Variants in NKAIN3 observed in about 807,000 individuals in gnomAD.
NKAIN3 encodes sodium/potassium transporting ATPase interacting 3, also known as sodium/potassium-transporting ATPase subunit beta-1-interacting protein 3.
Under a neutral mutation model 30.2 loss-of-function variants are expected in NKAIN3, and 25 were observed. The ratio of observed to expected loss-of-function variants is 0.83; its 90% CI spans 0.60 to 1.16. The LOEUF is 1.16. NKAIN3 is among the 50% of genes most tolerant of loss of function. NKAIN3 has a pLI of 0.00. For missense variants in NKAIN3, 225 were observed against 254.1 expected (o/e 0.89, Z 0.78); for synonymous variants, 91 against 89.6 (o/e 1.02, Z -0.09).
chr8:62,477,018 G>A lies in NKAIN3; in HGVS notation c.55-102521G>A, dbSNP rs139585658. Among the ~76,000 whole-genome samples the A allele has an allele frequency of 2.2e-4, 33 of 152,118 alleles. No homozygotes were observed. The East Asian group carries it at 6.2e-3, about 29-fold the overall frequency. Reference sequence around the variant, plus strand: ...AAATGTATAGTCAGCTTTGATTGAGGGAAACATAGGAAGATACAGGAGCAA... The same window carrying A: ...AAATGTATAGTCAGCTTTGATTGAGAGAAACATAGGAAGATACAGGAGCAA... On this transcript the variant is annotated intron_variant, in intron 1 of 6. Coordinates refer to ENST00000623646, the MANE Select transcript of NKAIN3 (RefSeq NM_001304533.3).
intron 6 of NKAIN3, among the ~76,000 whole-genome samples, chr8:62,955,946 G>A (rs925430194): frequency 6.6e-6 from 1 of 152,218 alleles, no homozygotes; most frequent in African/African-American, 2.4e-5. Flanking sequence ...AATAGAACAA[G>A]CTTCTGCTTT....
At chr8:62,792,475 T>A (rs1817728547) in intron 4 of NKAIN3, among the ~76,000 whole-genome samples, 1 of 7,740 alleles carries the variant, frequency 1.3e-4, no homozygotes, top group South Asian at 3.4e-3. Context: ...ACACTCTTCA[T>A]TTTCTTGGCT....
chr8:62,852,325 T>A (rs1383986780), intron 4 of NKAIN3, among the ~76,000 whole-genome samples: 1 of 152,156 alleles, frequency 6.6e-6, no homozygotes, highest in Non-Finnish European at 1.5e-5. Context: ...TTTTATTGCA[T>A]CTATTTGATT....
At chr8:62,493,164 GT>G (rs1807125461) in intron 1 of NKAIN3, among the ~76,000 whole-genome samples, 1 of 152,006 alleles carries the variant, frequency 6.6e-6, no homozygotes, top group Non-Finnish European at 1.5e-5. Flanking sequence ...ATCTTCCAGG[GT>G]TTTTATAGTT....
At chr8:62,805,775 T>A (rs1429921914) in intron 4 of NKAIN3, among the ~76,000 whole-genome samples, 1 of 152,110 alleles carries the variant, frequency 6.6e-6, no homozygotes, top group Non-Finnish European at 1.5e-5. Flanking sequence ...CCAAAAGCAA[T>A]GGCAACAAAA....
At chr8:62,457,549 C>T (rs1314860912) in intron 1 of NKAIN3, among the ~76,000 whole-genome samples, 1 of 152,184 alleles carries the variant, frequency 6.6e-6, no homozygotes, top group Admixed American at 6.5e-5. Context: ...ATGATTTCCA[C>T]TTGCTGCTTG....
intron 5 of NKAIN3, among the ~76,000 whole-genome samples, chr8:62,996,255 C>T (rs185962227): frequency 9.9e-4 from 150 of 152,264 alleles, no homozygotes; most frequent in African/African-American, 3.3e-3. Context: ...AATGAAGGCA[C>T]GGCTTACATG....
intron 4 of NKAIN3, among the ~76,000 whole-genome samples, chr8:62,818,725 T>C (rs571000796): frequency 1.8e-4 from 27 of 152,144 alleles, no homozygotes; most frequent in Admixed American, 1.8e-3. Context: ...ATCTGATAAT[T>C]ATATGAAGTA....
intron 1 of NKAIN3, among the ~76,000 whole-genome samples, chr8:62,405,532 G>A (rs775756284): frequency 3.9e-5 from 6 of 152,234 alleles, no homozygotes; most frequent in Non-Finnish European, 5.9e-5. Context: ...ACTTTCCACT[G>A]TGACAGAGAA....
intron 4 of NKAIN3, among the ~76,000 whole-genome samples, chr8:62,848,650 C>T (rs1819765432): frequency 6.6e-6 from 1 of 152,204 alleles, no homozygotes; most frequent in East Asian, 1.9e-4. Flanking sequence ...CTATTTGAAT[C>T]CTCTTTATTT....
intron 4 of NKAIN3, among the ~76,000 whole-genome samples, chr8:62,790,696 T>A (rs1817679986): frequency 6.9e-6 from 1 of 145,452 alleles, no homozygotes; most frequent in African/African-American, 2.6e-5. Flanking sequence ...GCACTGGGGA[T>A]ACACAGAAAA....
intron 1 of NKAIN3, among the ~76,000 whole-genome samples, chr8:62,487,428 G>A (rs1374704408): frequency 6.6e-6 from 1 of 152,034 alleles, no homozygotes; most frequent in Non-Finnish European, 1.5e-5. Context: ...AAGAGATAAG[G>A]GCAATATGGA....
chr8:62,443,683 C>T (rs1401019612), intron 1 of NKAIN3, among the ~76,000 whole-genome samples: 4 of 152,090 alleles, frequency 2.6e-5, no homozygotes, highest in Non-Finnish European at 5.9e-5. Context: ...TCACCATGCC[C>T]AGCCTTGACT....
chr8:62,520,556 A>G (rs1808123437), intron 1 of NKAIN3, among the ~76,000 whole-genome samples: 2 of 152,174 alleles, frequency 1.3e-5, no homozygotes, highest in South Asian at 2.1e-4. Flanking sequence ...TATCGGCAGT[A>G]CTTGAACACT....
chr8:62,734,017 C>G (rs1815567515), intron 3 of NKAIN3, among the ~76,000 whole-genome samples: 1 of 152,098 alleles, frequency 6.6e-6, no homozygotes, highest in Non-Finnish European at 1.5e-5. Context: ...TATAGTGGTT[C>G]ACACCTGTAA....
intron 3 of NKAIN3, among the ~76,000 whole-genome samples, chr8:62,596,015 C>G (rs959976011): frequency 2.6e-5 from 4 of 151,982 alleles, no homozygotes; most frequent in Non-Finnish European, 5.9e-5. Context: ...GTTTGGCACA[C>G]TTTACAGGCC....
chr8:62,910,573 C>A (rs1247555352), intron 4 of NKAIN3, among the ~76,000 whole-genome samples: 1 of 152,032 alleles, frequency 6.6e-6, no homozygotes, highest in African/African-American at 2.4e-5. Flanking sequence ...TTATATTATA[C>A]AGATTTCTTA....
At chr8:62,395,304 C>G (rs1211588313) in intron 1 of NKAIN3, among the ~76,000 whole-genome samples, 1 of 151,712 alleles carries the variant, frequency 6.6e-6, no homozygotes, top group African/African-American at 2.4e-5. Context: ...GCCCCCCTCA[C>G]TTCCCAGACG....
intron 2 of NKAIN3, among the ~76,000 whole-genome samples, chr8:62,580,906 T>TTATATATATATA (rs71255350): frequency 3.7e-4 from 42 of 112,312 alleles, no homozygotes; most frequent in East Asian, 3.1e-3. Flanking sequence ...GCTAGGGTTT[T>TTATATATATATA]TATATATATA....
Sources: allele counts gnomAD v4.1 joint callset (sites outside exome capture counted in the v4.1 genomes callset), GRCh38; gene constraint gnomAD v4.1.1; transcripts MANE v1.5; gene names NCBI Gene and HGNC (gene_info 2026-07-23, HGNC 2026-07-21).